Variants in CREB3L2 observed in about 807,000 individuals in gnomAD.
CREB3L2 encodes cAMP responsive element binding protein 3 like 2.
CREB3L2 carries 23 observed loss-of-function variants against 57.2 expected under a neutral mutation model. That is an observed-to-expected ratio of 0.40 (90% confidence interval 0.29 to 0.57). CREB3L2 has a LOEUF of 0.57. CREB3L2 is among the 20% of genes least tolerant of loss of function. CREB3L2 has a pLI of 0.42. For missense variants in CREB3L2, 628 were observed against 634.7 expected, an observed-to-expected ratio of 0.99 and a Z score of 0.11; for synonymous variants, 268 against 265.1, an observed-to-expected ratio of 1.01 and a Z score of -0.11.
chr7:137,877,626 T>A lies in CREB3L2; in HGVS notation c.*2850A>T, dbSNP rs1223285165. Reference sequence around the variant, plus strand: ...AATCTAAGAAAGGGAAATGGGAAACTTGTTTACATGATGAAAAATATAATT... The same window carrying A: ...AATCTAAGAAAGGGAAATGGGAAACATGTTTACATGATGAAAAATATAATT... On this transcript the variant is annotated 3_prime_UTR_variant, in exon 12 of 12. Coordinates refer to ENST00000330387, the MANE Select transcript of CREB3L2 (RefSeq NM_194071.4). 1 of 226,112 alleles carries A rather than the reference T, an allele frequency of 4.4e-6. No individual in the cohort carries two copies. The highest frequency in any genetic ancestry group is 8.8e-6 in the Non-Finnish European group (1 of 113,786). The allele number at this position is 226,112 out of a possible 1,614,324, so 14.0% of individuals were successfully genotyped here.
intron 2 of CREB3L2, chr7:137,922,768 C>T (rs1279782868): frequency 3.3e-6 from 1 of 301,240 alleles, no homozygotes; most frequent in South Asian, 2.8e-5. Flanking sequence ...TGTAACATAT[C>T]TAAAGTGAAA....
intron 1 of CREB3L2, among the ~76,000 whole-genome samples, chr7:137,940,000 T>C (rs540578446): frequency 6.6e-6 from 1 of 152,356 alleles, no homozygotes; most frequent in Admixed American, 6.5e-5. Context: ...CCCAGTTAAA[T>C]TCTCTAGATA....
At chr7:137,975,096 T>A (rs557837798) in intron 1 of CREB3L2, among the ~76,000 whole-genome samples, 40 of 152,340 alleles carry the variant, frequency 2.6e-4, no homozygotes, top group African/African-American at 9.6e-4. Flanking sequence ...TATATGAATA[T>A]CTTTTATAAA....
chr7:137,901,285 G>A lies in CREB3L2; in HGVS notation c.1043+69C>T, dbSNP rs796321661. The stretch of plus-strand genomic sequence containing the variant: ...CCACTTTTCTGCCATCCCTGGTTCT[G>A]GATTCTATCCTCTTCCTTCCCCATC... On this transcript the variant is annotated intron_variant, in intron 8 of 11. Transcript: ENST00000330387. The A allele has an allele frequency of 4.3e-5, 45 of 1,040,966 alleles. 1 individual carries two copies. The African/African-American group carries it at 6.1e-4, about 14-fold the overall frequency. 64.5% of individuals were successfully genotyped at this position (1,040,966 alleles called of 1,614,324 possible). A position where few individuals can be genotyped will look rare whatever the true frequency, so the allele number is the denominator to read the frequency against.
intron 1 of CREB3L2, among the ~76,000 whole-genome samples, chr7:137,979,484 G>A (rs1801673878): frequency 6.6e-6 from 1 of 152,152 alleles, no homozygotes; most frequent in Non-Finnish European, 1.5e-5. Flanking sequence ...CCAGCACTTT[G>A]GGAGGCTGAG....
rs548595473 is a variant in CREB3L2 at position 137,875,988 on chromosome 7, G to A, written c.*4488C>T. On this transcript the variant is annotated 3_prime_UTR_variant, in exon 12 of 12. Transcript: ENST00000330387. ...AGGCATGGAACATTAATCTTCAAAT[G>A]AGCCAGGTTCCTTTGCCCTGAGAAA... The A allele has an allele frequency of 3.9e-5, 9 of 228,308 alleles. No individual in the cohort carries two copies. The highest frequency in any genetic ancestry group is 1.5e-4 in the African/African-American group (7 of 45,174). 14.1% of individuals were successfully genotyped at this position (228,308 alleles called of 1,614,324 possible). A position where few individuals can be genotyped will look rare whatever the true frequency, so the allele number is the denominator to read the frequency against.
Position 137,908,259 on chromosome 7 carries a change from G to T in CREB3L2, c.761C>A (p.Ala254Asp). ...TGCCCGCTGCATACTTACATGAGGA[G>T]CCGTGAGGAGAGGGGAGCTGGAGAG... is the stretch of plus-strand genomic sequence containing the variant. ...SALSSSPLLT[A>D]PHKLQGSGPL... The change falls in exon 5 of 12, where the codon GCT becomes GAT. Residue 254 changes from alanine (A) to aspartate (D), a missense_variant. Around this residue, in one of 3 missense-constraint regions of CREB3L2, gnomAD observed 339 missense variants for 355.4 expected, o/e 0.95. Transcript: ENST00000330387. 5 of 1,258,144 alleles carry T rather than the reference G, an allele frequency of 4.0e-6. No homozygotes were observed. The highest frequency in any genetic ancestry group is 4.0e-6 in the Non-Finnish European group (4 of 992,648). The allele number at this position is 1,258,144 out of a possible 1,614,324, so 77.9% of individuals were successfully genotyped here. A position where few individuals can be genotyped will look rare whatever the true frequency, so the allele number is the denominator to read the frequency against.
chr7:137,977,103 C>G (rs1410248016), intron 1 of CREB3L2, among the ~76,000 whole-genome samples: 1 of 152,208 alleles, frequency 6.6e-6, no homozygotes, highest in East Asian at 1.9e-4. Context: ...CACTTAAACA[C>G]GGCCCCTGCC....
At chr7:137,908,157 C>T in intron 5 of CREB3L2, 95 bp downstream of exon 5, 1 of 925,768 alleles carries the variant, frequency 1.1e-6, no homozygotes, top group Non-Finnish European at 1.4e-6. Flanking sequence ...AAAGTAAAAA[C>T]CAAACAGCCT....
At chr7:137,991,230 C>T (rs1801889313) in intron 1 of CREB3L2, among the ~76,000 whole-genome samples, 1 of 151,472 alleles carries the variant, frequency 6.6e-6, no homozygotes. Flanking sequence ...GTGGCATGAT[C>T]TCGGCTCAAT....
chr7:137,979,861 G>C (rs748598483), intron 1 of CREB3L2, among the ~76,000 whole-genome samples: 34 of 152,224 alleles, frequency 2.2e-4, no homozygotes, highest in Non-Finnish European at 4.1e-4. Context: ...AATGGAGACA[G>C]CAGGGAGCCT....
At chr7:137,912,853 T>C in intron 4 of CREB3L2, 138 bp downstream of exon 4, 7 of 1,533,166 alleles carry the variant, frequency 4.6e-6, no homozygotes, top group Non-Finnish European at 5.3e-6. Context: ...TTTTTATTTT[T>C]TAAGAACAGA....
intron 1 of CREB3L2, among the ~76,000 whole-genome samples, chr7:137,969,491 C>T (rs548339487): frequency 6.6e-6 from 1 of 151,528 alleles, no homozygotes. Context: ...GGACTACAGG[C>T]GCCCGCCATC....
At chr7:137,976,020 C>A (rs1215322298) in intron 1 of CREB3L2, among the ~76,000 whole-genome samples, 1 of 152,202 alleles carries the variant, frequency 6.6e-6, no homozygotes, top group South Asian at 2.1e-4. Flanking sequence ...TAAGTAAGAA[C>A]CAGATGTTCC....
In CREB3L2 at chr7:137,875,441, G is replaced by A. The variant is rs759197545; in HGVS notation, c.*5035C>T. 22 of 221,962 alleles carry A rather than the reference G, an allele frequency of 9.9e-5. No individual in the cohort carries two copies. Among genetic ancestry groups the A allele is most frequent in the African/African-American group, 1.6e-4 (7 of 44,732 alleles). 13.7% of individuals were successfully genotyped at this position (221,962 alleles called of 1,614,324 possible). On this transcript the variant is annotated 3_prime_UTR_variant, in exon 12 of 12. Coordinates refer to ENST00000330387, the MANE Select transcript of CREB3L2 (RefSeq NM_194071.4). The stretch of plus-strand genomic sequence containing the variant: ...TCATGTTCTCACTCAGCTGGTGAGC[G>A]AAGGATGGGAGCAGAGAACAGAGCT...
At chr7:137,898,969 A>AAGGAAGGAAGGAAGGAAGGAGGG (rs1563243800) in intron 8 of CREB3L2, among the ~76,000 whole-genome samples, 4 of 124,380 alleles carry the variant, frequency 3.2e-5, no homozygotes, top group Non-Finnish European at 1.5e-5. Flanking sequence ...GAAAGGAAGG[A>AAGGAAGGAAGGAAGGAAGGAGGG]AGGAAGGAAG....
chr7:137,918,926 C>T (rs1800210881), intron 2 of CREB3L2, among the ~76,000 whole-genome samples: 1 of 152,072 alleles, frequency 6.6e-6, no homozygotes, highest in Non-Finnish European at 1.5e-5. Flanking sequence ...TCAGTGCTGC[C>T]TCAGGGAATG....
At chr7:137,949,109 A>G (rs1251134381) in intron 1 of CREB3L2, among the ~76,000 whole-genome samples, 10 of 152,262 alleles carry the variant, frequency 6.6e-5, no homozygotes, top group Non-Finnish European at 1.3e-4. Context: ...TGGCAATCTC[A>G]AAGGCCAAGT....
intron 1 of CREB3L2, among the ~76,000 whole-genome samples, chr7:137,976,995 G>A (rs754484863): frequency 3.9e-5 from 6 of 152,226 alleles, no homozygotes; most frequent in Non-Finnish European, 5.9e-5. Context: ...CAAGGAATGG[G>A]TTGGGAGGTG....
Sources: allele counts gnomAD v4.1 joint callset (sites outside exome capture counted in the v4.1 genomes callset), GRCh38; gene constraint gnomAD v4.1.1; regional missense constraint gnomAD v4.1.1; transcripts MANE v1.5; gene names NCBI Gene and HGNC (gene_info 2026-07-23, HGNC 2026-07-21).